The following TECRL variants were observed in gnomAD, a reference collection of about 807,000 sequenced individuals.
TECRL encodes the protein trans-2,3-enoyl-CoA reductase like, also known as trans-2,3-enoyl-CoA reductase-like.
A neutral mutation model predicts 52.8 loss-of-function variants in TECRL; 63 were observed. That is an observed-to-expected ratio of 1.19 (90% CI 0.97 to 1.47). The LOEUF is 1.47. TECRL is among the 40% of genes most tolerant of loss of function. TECRL has a pLI of 0.00. For synonymous variants in TECRL, 164 were observed against 141.9 expected (o/e 1.16, Z -1.10); for missense variants, 482 against 429.6 (o/e 1.12, Z -1.08).
chr4:64,283,329 A>C (rs1722923326), intron 9 of TECRL, among the ~76,000 whole-genome samples: 1 of 151,976 alleles, frequency 6.6e-6, no homozygotes. Context: ...CAGCTTACAT[A>C]GTTGGCACCA....
At chr4:64,311,512 A>T (rs1297225191) in intron 5 of TECRL, among the ~76,000 whole-genome samples, 4 of 152,148 alleles carry the variant, frequency 2.6e-5, no homozygotes, top group African/African-American at 9.7e-5. Context: ...TTGAGTAATA[A>T]AATTTTTTTG....
intron 1 of TECRL, among the ~76,000 whole-genome samples, chr4:64,401,751 C>T (rs2109782225): frequency 6.6e-6 from 1 of 152,254 alleles, no homozygotes; most frequent in East Asian, 1.9e-4. Context: ...CACTTCACTG[C>T]TAGTTTCCGT....
chr4:64,317,279 CA>C (rs951318659), intron 4 of TECRL, among the ~76,000 whole-genome samples: 1 of 139,012 alleles, frequency 7.2e-6, no homozygotes, highest in East Asian at 2.1e-4. Context: ...ACTCCGTCTC[CA>C]AAAAAAAAGA....
chr4:64,380,688 C>A (rs1722728385), intron 1 of TECRL, among the ~76,000 whole-genome samples: 2 of 151,990 alleles, frequency 1.3e-5, no homozygotes, highest in African/African-American at 4.8e-5. Flanking sequence ...TTGTTGGCAT[C>A]TTTGAAGACA....
chr4:64,341,583 C>T (rs145594160), intron 2 of TECRL, among the ~76,000 whole-genome samples: 25 of 151,902 alleles, frequency 1.6e-4, no homozygotes, highest in African/African-American at 3.9e-4. Context: ...CCAGCCTGGG[C>T]GACAAGAGTA....
Position 64,340,760 on chromosome 4 carries a change from T to C in TECRL, c.287-12204A>G, listed in dbSNP as rs546180413. 2.6e-5 allele frequency among the ~76,000 whole-genome samples: 4 copies of C among 152,280 alleles called. No individual in the cohort carries two copies. The East Asian group carries it at 7.7e-4, about 30-fold the overall frequency. ...TTCAGGCCGTGAAGTGCCTGAAGGA[T>C]GGGGACCCAGCTGCCAGTCTCACAG... On this transcript the variant is annotated intron_variant, in intron 2 of 11. Transcript: ENST00000381210.
At chr4:64,280,221 T>A in intron 11 of TECRL, 22 bp from the exon 12 acceptor site, 10 of 1,402,480 alleles carry the variant, frequency 7.1e-6, no homozygotes, top group Non-Finnish European at 7.5e-6. Flanking sequence ...AAGAAATAAT[T>A]ATTATTTCTT....
At chr4:64,288,776 A>G (rs561037753) in intron 9 of TECRL, among the ~76,000 whole-genome samples, 6 of 152,296 alleles carry the variant, frequency 3.9e-5, no homozygotes, top group African/African-American at 1.4e-4. Flanking sequence ...AAATATGTTC[A>G]GCAAACCAAT....
At chr4:64,367,579 C>T (rs1057069314) in intron 2 of TECRL, among the ~76,000 whole-genome samples, 4 of 151,818 alleles carry the variant, frequency 2.6e-5, no homozygotes, top group Non-Finnish European at 4.4e-5. Flanking sequence ...AAATATACAG[C>T]GAAATAAATT....
At position 64,314,590 on chromosome 4, in the gene TECRL, G is replaced by GGT. The variant is rs5858876; in HGVS notation, c.551+56_551+57dup. On this transcript the variant is annotated intron_variant, in intron 5 of 11. Transcript: ENST00000381210. ...AGTTCATCCCCTCCTTAACGTGTAT[G>GGT]GTGTGTGTGTGTGTGTGTGTGTGTG... 1.2e-3 allele frequency: 906 copies of GGT among 745,820 alleles called. 2 individuals carry two copies. Among genetic ancestry groups the GGT allele is most frequent in the African/African-American group, 5.7e-3 (303 of 53,572 alleles). The allele number at this position is 745,820 out of a possible 1,614,324, so 46.2% of individuals were successfully genotyped here.
rs1722666000 is a variant in TECRL at position 64,278,605 on chromosome 4, T to A, written c.*1467A>T. On this transcript the variant is annotated 3_prime_UTR_variant, in exon 12 of 12. Transcript: ENST00000381210. ...ATGGTTTCAAATATTTATCATTTCTTTTTGTTGGGGACAAAATCTCCTTTT... is the reference window on the plus strand; with the variant it reads ...ATGGTTTCAAATATTTATCATTTCTATTTGTTGGGGACAAAATCTCCTTTT... 6.5e-6 allele frequency: 1 copy of A among 153,976 alleles called. No homozygotes were observed. Among genetic ancestry groups the A allele is most frequent in the Non-Finnish European group, 1.4e-5 (1 of 69,662 alleles). The allele number at this position is 153,976 out of a possible 1,614,324, so 9.5% of individuals were successfully genotyped here.
In TECRL at chr4:64,323,739, A is replaced by G. The variant is rs148439156; in HGVS notation, c.332-947T>C. On this transcript the variant is annotated intron_variant, in intron 3 of 11. Coordinates refer to ENST00000381210, the MANE Select transcript of TECRL (RefSeq NM_001010874.5). ...ATAGCCTAGATTCAACTTCTTGATC[A>G]GCTGATTGAAAGGAGAAGATTCAGT... Among the ~76,000 whole-genome samples, 835 of 152,304 alleles carry G rather than the reference A, an allele frequency of 5.5e-3. 10 individuals carry two copies. Among genetic ancestry groups the G allele is most frequent in the African/African-American group, 0.018 (760 of 41,576 alleles).
intron 1 of TECRL, among the ~76,000 whole-genome samples, chr4:64,396,412 C>T (rs555190058): frequency 2.0e-5 from 3 of 152,172 alleles, no homozygotes; most frequent in African/African-American, 2.4e-5. Context: ...TAGCATTTCT[C>T]TAATGATTAG....
At chr4:64,328,664 G>T in intron 2 of TECRL, 108 bp from the exon 3 acceptor site, 1 of 886,802 alleles carries the variant, frequency 1.1e-6, no homozygotes, top group East Asian at 2.6e-5. Flanking sequence ...TAAATAAAAT[G>T]GGTTATCTAG....
intron 1 of TECRL, among the ~76,000 whole-genome samples, chr4:64,399,645 G>A (rs1724212480): frequency 6.6e-6 from 1 of 152,182 alleles, no homozygotes; most frequent in African/African-American, 2.4e-5. Context: ...TTGCCTCCTG[G>A]CTGCTGGAGC....
chr4:64,309,945 T>A lies in TECRL; in HGVS notation c.552-14A>T, dbSNP rs748773843. On this transcript the variant is annotated splice_polypyrimidine_tract_variant and intron_variant, in intron 5 of 11. Transcript: ENST00000381210. Reference sequence around the variant, plus strand: ...AAGCAAGCCAAGCTGGAAAAAAAAATAAAACATAAACATGAAAATCCTTTT... The same window carrying A: ...AAGCAAGCCAAGCTGGAAAAAAAAAAAAAACATAAACATGAAAATCCTTTT... 16 of 1,495,302 alleles carry A rather than the reference T, an allele frequency of 1.1e-5. No homozygotes were observed. Among genetic ancestry groups the A allele is most frequent in the South Asian group, 6.1e-5 (5 of 82,406 alleles). 92.6% of individuals were successfully genotyped at this position (1,495,302 alleles called of 1,614,324 possible).
At chr4:64,393,207 G>A (rs115957641) in intron 1 of TECRL, among the ~76,000 whole-genome samples, 1,763 of 152,002 alleles carry the variant, frequency 0.012, 36 homozygotes, top group African/African-American at 0.04. Flanking sequence ...AAGTAGAGGG[G>A]GGAAAATATT....
In TECRL at chr4:64,279,948, T is replaced by C; in HGVS notation, c.*124A>G. ...TTTAGTGAAATTTTACTATTTTATA[T>C]TTTTACTCAGTGTATATACTGTTGC... is the stretch of plus-strand genomic sequence containing the variant. On this transcript the variant is annotated 3_prime_UTR_variant, in exon 12 of 12. Transcript: ENST00000381210. 7.9e-7 allele frequency: 1 copy of C among 1,267,244 alleles called. No homozygotes were observed. The highest frequency in any genetic ancestry group is 1.0e-6 in the Non-Finnish European group (1 of 997,672). The allele number at this position is 1,267,244 out of a possible 1,614,324, so 78.5% of individuals were successfully genotyped here. A position where few individuals can be genotyped will look rare whatever the true frequency, so the allele number is the denominator to read the frequency against.
chr4:64,399,557 T>A (rs1267478375), intron 1 of TECRL, among the ~76,000 whole-genome samples: 1 of 152,152 alleles, frequency 6.6e-6, no homozygotes, highest in Non-Finnish European at 1.5e-5. Flanking sequence ...CCAGAAGCCC[T>A]GAGGCCTGGG....
Sources: gnomAD v4.1 joint callset for allele counts (sites outside exome capture counted in the v4.1 genomes callset) on GRCh38, gnomAD v4.1.1 for gene constraint, MANE v1.5 for transcripts, NCBI Gene and HGNC (gene_info 2026-07-23, HGNC 2026-07-21) for gene names.